SRPX2: variants seen among roughly 807,000 people sequenced by gnomAD.
SRPX2 encodes sushi repeat containing protein X-linked 2, also known as sushi repeat-containing protein SRPX2.
In SRPX2, 26 loss-of-function variants were observed where a neutral mutation model predicts 45.3. The observed-to-expected ratio is 0.57, with a 90% CI of 0.42 to 0.80. The LOEUF is 0.80. SRPX2 is among the 30% of genes least tolerant of loss of function. SRPX2 has a pLI of 0.00. For synonymous variants in SRPX2, 125 were observed against 143.7 expected, an observed-to-expected ratio of 0.87 and a Z score of 0.93; for missense variants, 355 against 399.8, an observed-to-expected ratio of 0.89 and a Z score of 0.95.
chrX:100,659,721 T>G (rs1300000494), intron 3 of SRPX2, among the ~76,000 whole-genome samples: 1 of 110,681 alleles, frequency 9.0e-6, no homozygotes, highest in Non-Finnish European at 1.9e-5. Context: ...CATTCTCCAG[T>G]TGCACTCAGA....
chrX:100,669,410 C>CGCATCCGGGAGCAACAGCTG, intron 10 of SRPX2, 41 bp downstream of exon 10: 1 of 35,652 alleles, frequency 2.8e-5, no homozygotes. Flanking sequence ...GGAGGGGGGG[C>CGCATCCGGGAGCAACAGCTG]TGGGGCGGGG....
Position 100,657,481 on chromosome X carries a change from G to A in SRPX2, c.164-4695G>A, listed in dbSNP as rs565987390. 2.0e-4 allele frequency among the ~76,000 whole-genome samples: 20 copies of A among 101,472 alleles called. No individual in the cohort carries two copies. The South Asian group carries it at 3.9e-3, about 20-fold the overall frequency. 88.1% of individuals were successfully genotyped at this position (101,472 alleles called of 115,157 possible). A position where few individuals can be genotyped will look rare whatever the true frequency, so the allele number is the denominator to read the frequency against. On this transcript the variant is annotated intron_variant, in intron 3 of 10. Transcript: ENST00000373004. ...TCCTTCTGCCTCAGCTTCCCAAGTT[G>A]CTGGGATTACAGGTGCCCACCACCA...
At chrX:100,661,954 T>G (rs1326734944) in intron 3 of SRPX2, among the ~76,000 whole-genome samples, 1 of 102,115 alleles carries the variant, frequency 9.8e-6, no homozygotes. Context: ...TTTTTTTTTT[T>G]TTTTTGCATA....
At chrX:100,653,509 C>A (rs1763293214) in intron 3 of SRPX2, among the ~76,000 whole-genome samples, 1 of 110,655 alleles carries the variant, frequency 9.0e-6, no homozygotes, top group South Asian at 4.0e-4. Flanking sequence ...TCATGTTTCC[C>A]CCTCCCCCAA....
rs1222681088 is a variant in SRPX2, at chrX:100,664,645, G to A, written c.356-129G>A. 19 of 676,431 alleles carry A rather than the reference G, an allele frequency of 2.8e-5. No homozygotes were observed. The East Asian group carries it at 5.7e-4, about 20-fold the overall frequency. 55.7% of individuals were successfully genotyped at this position (676,431 alleles called of 1,213,427 possible). On this transcript the variant is annotated intron_variant, in intron 4 of 10. Coordinates refer to ENST00000373004, the MANE Select transcript of SRPX2 (RefSeq NM_014467.3). ...GAAAAAGGCAGTTAGGCACAAAAAT[G>A]TAAGGGCAGTTCAGGTAGGGTTTCT...
At chrX:100,668,269 A>G (rs2083211043) in intron 9 of SRPX2, among the ~76,000 whole-genome samples, 1 of 101,003 alleles carries the variant, frequency 9.9e-6, no homozygotes, top group Non-Finnish European at 2.0e-5. Context: ...GCTTCTAAAG[A>G]TTGAATCTTA....
At chrX:100,668,327 CAAAAAAA>C (rs1267822417) in intron 9 of SRPX2, among the ~76,000 whole-genome samples, 3 of 34,353 alleles carry the variant, frequency 8.7e-5, no homozygotes, top group Non-Finnish European at 1.1e-4. Context: ...AGCAGTTTTA[CAAAAAAA>C]AAAAAAAAGA....
chrX:100,665,525 G>A lies in SRPX2; in HGVS notation c.660-11G>A. On this transcript the variant is annotated splice_polypyrimidine_tract_variant and intron_variant, in intron 6 of 10. Transcript: ENST00000373004. ...CTTTCCTCAGTGTTTATTTCACCCT[G>A]TCCCATGCAGGGTGACACTTCGGGG... The A allele has an allele frequency of 1.7e-6, 2 of 1,211,839 alleles. No homozygotes were observed. The highest frequency in any genetic ancestry group is 5.9e-5 in the East Asian group (2 of 33,853).
At position 100,671,913 on chromosome X, in the gene SRPX2, C is replaced by T. The variant is rs1019120544; in HGVS notation, c.*926C>T. 1 of 112,173 alleles carries T rather than the reference C, an allele frequency of 8.9e-6. No homozygotes were observed. Among genetic ancestry groups the T allele is most frequent in the Non-Finnish European group, 1.9e-5 (1 of 53,262 alleles). The allele number at this position is 112,173 out of a possible 1,213,427, so 9.2% of individuals were successfully genotyped here. On this transcript the variant is annotated 3_prime_UTR_variant, in exon 11 of 11. Coordinates refer to ENST00000373004, the MANE Select transcript of SRPX2 (RefSeq NM_014467.3). ...CCTCCAGCTGGCTCACGGGCAAGAA[C>T]CCCTTCTTCCTGAGGCCTCCCGTTT...
intron 2 of SRPX2, among the ~76,000 whole-genome samples, chrX:100,647,292 C>A (rs1407064207): frequency 8.9e-6 from 1 of 112,589 alleles, no homozygotes; most frequent in African/African-American, 3.2e-5. Context: ...AAATAACAAA[C>A]TGCTCCCATC....
chrX:100,660,791 C>T (rs1385297041), intron 3 of SRPX2, among the ~76,000 whole-genome samples: 1 of 109,437 alleles, frequency 9.1e-6, no homozygotes, highest in African/African-American at 3.3e-5. Context: ...TGCCGTGAGC[C>T]GAGATTGCAC....
At chrX:100,668,718 T>A (rs2083212833) in intron 9 of SRPX2, among the ~76,000 whole-genome samples, 1 of 111,939 alleles carries the variant, frequency 8.9e-6, no homozygotes, top group Admixed American at 9.4e-5. Context: ...GGAGAAATCC[T>A]GGAGACCGAG....
intron 9 of SRPX2, among the ~76,000 whole-genome samples, chrX:100,668,077 C>G (rs2083210401): frequency 9.0e-6 from 1 of 110,824 alleles, no homozygotes; most frequent in African/African-American, 3.3e-5. Context: ...TAAGAGATAC[C>G]TAGCCAAAGC....
At chrX:100,662,444 G>A (rs925153296) in intron 4 of SRPX2, 77 bp downstream of exon 4, 7 of 1,102,503 alleles carry the variant, frequency 6.3e-6, no homozygotes, top group Non-Finnish European at 8.8e-6. Context: ...GTATATGCCC[G>A]GAGGTGTTAC....
chrX:100,673,018 T>C lies in SRPX2; in HGVS notation c.*2031T>C, dbSNP rs781240465. ...CTTCTCCCTCTTCCCTCCAGGGAAATATGGGAACTGTGAGAGGCAGCAGGC... is the reference window on the plus strand; with the variant it reads ...CTTCTCCCTCTTCCCTCCAGGGAAACATGGGAACTGTGAGAGGCAGCAGGC... On this transcript the variant is annotated 3_prime_UTR_variant, in exon 11 of 11. Coordinates refer to ENST00000373004, the MANE Select transcript of SRPX2 (RefSeq NM_014467.3). 4.5e-5 allele frequency: 5 copies of C among 112,120 alleles called. No individual in the cohort carries two copies. In the East Asian group the frequency reaches 1.4e-3, roughly 32 times the overall value. The allele number at this position is 112,120 out of a possible 1,213,427, so 9.2% of individuals were successfully genotyped here. A position where few individuals can be genotyped will look rare whatever the true frequency, so the allele number is the denominator to read the frequency against.
chrX:100,656,042 T>A (rs1236499504), intron 3 of SRPX2, among the ~76,000 whole-genome samples: 14 of 108,638 alleles, frequency 1.3e-4, no homozygotes, highest in Non-Finnish European at 1.9e-5. Context: ...TTTGTATTTT[T>A]AGTAGACCCG....
intron 3 of SRPX2, among the ~76,000 whole-genome samples, chrX:100,659,777 C>CTT (rs35600595): frequency 7.9e-4 from 66 of 83,847 alleles, no homozygotes; most frequent in Admixed American, 7.7e-4. Flanking sequence ...TCATCTACTT[C>CTT]TTTTTTTTTT....
At chrX:100,657,355 T>TTTTTTTTTTTTTTTTTTTTC in intron 3 of SRPX2, among the ~76,000 whole-genome samples, 1 of 42,789 alleles carries the variant, frequency 2.3e-5, no homozygotes, top group African/African-American at 6.8e-5. Context: ...ATGTCTTTTT[T>TTTTTTTTTTTTTTTTTTTTC]TTTTTTTTTT....
chrX:100,656,450 ACT>A (rs2083169594), intron 3 of SRPX2, among the ~76,000 whole-genome samples: 1 of 110,732 alleles, frequency 9.0e-6, no homozygotes, highest in African/African-American at 3.3e-5. Flanking sequence ...CCATAACAAA[ACT>A]CTCTTCATCC....
Sources: gnomAD v4.1 joint callset for allele counts (sites outside exome capture counted in the v4.1 genomes callset) on GRCh38, gnomAD v4.1.1 for gene constraint, MANE v1.5 for transcripts, NCBI Gene and HGNC (gene_info 2026-07-23, HGNC 2026-07-21) for gene names.